Variants in RGSL1 observed in about 807,000 individuals in gnomAD.
The protein encoded by RGSL1 is regulator of G protein signaling protein-like.
In RGSL1, 97 loss-of-function variants were observed where a neutral mutation model predicts 124.7. That is an observed-to-expected ratio of 0.78 (90% CI 0.66 to 0.92). The LOEUF is 0.92. Among genes scored for constraint, RGSL1 ranks in the 40% least tolerant of loss-of-function variants. The pLI is 0.00. For synonymous variants in RGSL1, 424 were observed against 438.1 expected, an observed-to-expected ratio of 0.97 and a Z score of 0.40; for missense variants, 1,233 against 1,288.4, an observed-to-expected ratio of 0.96 and a Z score of 0.66.
rs1323114123 is a variant in RGSL1 at position 182,553,517 on chromosome 1, G to A, written c.3106G>A (p.Glu1036Lys). 6.4e-7 allele frequency: 1 copy of A among 1,551,972 alleles called. No individual in the cohort carries two copies. The highest frequency in any genetic ancestry group is 8.7e-7 in the Non-Finnish European group (1 of 1,147,026). Residue 1036 changes from glutamate to lysine, a missense_variant, in exon 19 of 22, where the codon GAA becomes AAA. By Grantham distance (56) the Glu-to-Lys change is moderately conservative. Coordinates refer to ENST00000294854, the MANE Select transcript of RGSL1 (RefSeq NM_001137669.2). ...TATTGAGTGGTTGCAGCCTCAACGG[G>A]AAGCAATAAGTTCAGTTCAAAATTG... is the stretch of plus-strand genomic sequence containing the variant. ...RGIEWLQPQR[E>K]AISSVQNSSS...
At position 182,548,383 on chromosome 1, in the gene RGSL1, G is replaced by T; in HGVS notation, c.2736G>T (p.Val912=). The T allele has an allele frequency of 6.4e-7, 1 of 1,551,960 alleles. No individual in the cohort carries two copies. Among genetic ancestry groups the T allele is most frequent in the Non-Finnish European group, 8.7e-7 (1 of 1,147,046 alleles). ...QVNRAYNEND[V]ILMRSKMNII... ...ACCGGGCATATAATGAGAATGATGTGATCCTAATGCGGTCCAAAATGAACA... is the reference window on the plus strand; with the variant it reads ...ACCGGGCATATAATGAGAATGATGTTATCCTAATGCGGTCCAAAATGAACA... The change falls in exon 16 of 22, where the codon GTG becomes GTT. Residue 912 remains valine, a synonymous_variant. Transcript: ENST00000294854.
At chr1:182,517,529 A>G (rs1237580551) in intron 9 of RGSL1, among the ~76,000 whole-genome samples, 2 of 151,482 alleles carry the variant, frequency 1.3e-5, no homozygotes, top group Non-Finnish European at 2.9e-5. Flanking sequence ...TTTTGAGATC[A>G]CTTTCTATAT....
chr1:182,474,548 C>G lies in RGSL1; in HGVS notation c.1431+6C>G. ...CCCAGAAGGAGATTTGCAAGGTAGGCCATGCCTCACAGAAATAAGTTATAT... is the reference window on the plus strand; with the variant it reads ...CCCAGAAGGAGATTTGCAAGGTAGGGCATGCCTCACAGAAATAAGTTATAT... On this transcript the variant is annotated splice_donor_region_variant and intron_variant, in intron 6 of 21. Coordinates refer to ENST00000294854, the MANE Select transcript of RGSL1 (RefSeq NM_001137669.2). The G allele has an allele frequency of 6.5e-7, 1 of 1,529,110 alleles. No individual in the cohort carries two copies. The highest frequency in any genetic ancestry group is 2.5e-5 in the East Asian group (1 of 40,614). 94.7% of individuals were successfully genotyped at this position (1,529,110 alleles called of 1,614,324 possible).
intron 4 of RGSL1, among the ~76,000 whole-genome samples, chr1:182,469,934 T>G (rs1417715787): frequency 6.6e-6 from 1 of 152,150 alleles, no homozygotes; most frequent in Non-Finnish European, 1.5e-5. Context: ...TGATTTCACT[T>G]ATATGAGGTA....
intron 15 of RGSL1, among the ~76,000 whole-genome samples, chr1:182,542,609 T>C (rs1659964876): frequency 6.6e-6 from 1 of 152,122 alleles, no homozygotes; most frequent in African/African-American, 2.4e-5. Flanking sequence ...AGAATGCCAT[T>C]GGTATTTTGA....
intron 11 of RGSL1, 49 bp downstream of exon 11, chr1:182,527,821 G>A (rs1489379198): frequency 1.4e-6 from 2 of 1,460,100 alleles, no homozygotes; most frequent in Admixed American, 2.2e-5. Context: ...TAGTGTCTTA[G>A]GAGAATAGCC....
chr1:182,462,471 G>T (rs2102003184), intron 4 of RGSL1, among the ~76,000 whole-genome samples: 1 of 152,068 alleles, frequency 6.6e-6, no homozygotes, highest in East Asian at 1.9e-4. Context: ...ATATTTAAAA[G>T]CTATCATCAT....
At chr1:182,474,972 T>C (rs1654173328) in intron 6 of RGSL1, among the ~76,000 whole-genome samples, 1 of 152,150 alleles carries the variant, frequency 6.6e-6, no homozygotes, top group Admixed American at 6.5e-5. Context: ...TGGAAAAAAC[T>C]GTCATCCACA....
intron 8 of RGSL1, among the ~76,000 whole-genome samples, chr1:182,492,515 T>G (rs1655602783): frequency 6.6e-6 from 1 of 152,226 alleles, no homozygotes; most frequent in South Asian, 2.1e-4. Flanking sequence ...GGAGAGGATC[T>G]TCTCATTCTG....
chr1:182,529,128 T>C (rs956488893), intron 11 of RGSL1, among the ~76,000 whole-genome samples: 1 of 152,226 alleles, frequency 6.6e-6, no homozygotes, highest in Non-Finnish European at 1.5e-5. Context: ...ACTATATCAC[T>C]AGTGAAAGGA....
intron 4 of RGSL1, among the ~76,000 whole-genome samples, chr1:182,468,962 G>T (rs1653583888): frequency 6.6e-6 from 1 of 151,952 alleles, no homozygotes; most frequent in East Asian, 1.9e-4. Flanking sequence ...TAAACTGGAT[G>T]TCCACGTGCG....
chr1:182,542,168 C>A (rs973476159), intron 15 of RGSL1, among the ~76,000 whole-genome samples: 5 of 152,052 alleles, frequency 3.3e-5, no homozygotes, highest in Non-Finnish European at 5.9e-5. Flanking sequence ...GCCATGTTTC[C>A]CCAATGTTTT....
intron 21 of RGSL1, among the ~76,000 whole-genome samples, chr1:182,559,371 GCCTCC>G (rs1661043065): frequency 6.6e-6 from 1 of 151,912 alleles, no homozygotes; most frequent in Admixed American, 6.6e-5. Flanking sequence ...TCATTCCTCT[GCCTCC>G]CCTCCCATAT....
In RGSL1 at chr1:182,530,284, C is replaced by T. The variant is rs754856726; in HGVS notation, c.2166C>T (p.Ile722=). 19 of 1,550,978 alleles carry T rather than the reference C, an allele frequency of 1.2e-5. No individual in the cohort carries two copies. Among genetic ancestry groups the T allele is most frequent in the East Asian group, 7.3e-5 (3 of 40,898 alleles). ...GTGATGCCCCTATTATCAAAGAAAT[C>T]GCTTCCATGCGTCATGTCACCACAA... The part of the protein sequence containing the change: ...LQCDAPIIKE[I]ASMRHVTTST... Residue 722 remains isoleucine, a synonymous_variant, in exon 12 of 22, where the codon ATC becomes ATT. Coordinates refer to ENST00000294854, the MANE Select transcript of RGSL1 (RefSeq NM_001137669.2).
chr1:182,497,815 T>C (rs1656044535), intron 9 of RGSL1, among the ~76,000 whole-genome samples: 1 of 152,228 alleles, frequency 6.6e-6, no homozygotes, highest in African/African-American at 2.4e-5. Context: ...ATTCAGGTTA[T>C]TCAGAAATAT....
intron 15 of RGSL1, among the ~76,000 whole-genome samples, chr1:182,546,784 C>A (rs909810363): frequency 6.6e-6 from 1 of 152,156 alleles, no homozygotes; most frequent in African/African-American, 2.4e-5. Flanking sequence ...CTTTAATGTT[C>A]ATATTTTATC....
chr1:182,498,743 G>C (rs1571576873), intron 9 of RGSL1, among the ~76,000 whole-genome samples: 1 of 151,612 alleles, frequency 6.6e-6, no homozygotes, highest in East Asian at 1.9e-4. Flanking sequence ...TTTTTAATTT[G>C]CTGAGTTGTT....
chr1:182,489,993 C>A (rs897620442), intron 8 of RGSL1, among the ~76,000 whole-genome samples: 1 of 152,076 alleles, frequency 6.6e-6, no homozygotes, highest in Non-Finnish European at 1.5e-5. Flanking sequence ...ACAATAAATA[C>A]GTTTGACTTC....
intron 6 of RGSL1, among the ~76,000 whole-genome samples, chr1:182,477,888 C>T (rs148475707): frequency 4.6e-5 from 7 of 152,290 alleles, no homozygotes; most frequent in Non-Finnish European, 1.0e-4. Flanking sequence ...GTCAAGCGTA[C>T]ACACACCAAT....
Sources: gnomAD v4.1 joint callset for allele counts (sites outside exome capture counted in the v4.1 genomes callset) on GRCh38, gnomAD v4.1.1 for gene constraint, MANE v1.5 for transcripts, NCBI Gene and HGNC (gene_info 2026-07-23, HGNC 2026-07-21) for gene names.